Variants in TRIB2 observed in about 807,000 individuals in gnomAD.
The protein encoded by TRIB2 is tribbles pseudokinase 2.
A neutral mutation model predicts 26.8 loss-of-function variants in TRIB2; 2 were observed. That is an observed-to-expected ratio of 0.07 (90% confidence interval 0.03 to 0.24). The LOEUF (loss-of-function observed/expected upper bound fraction) is 0.24, where lower values mean the gene tolerates loss of function less well. TRIB2 is among the 10% of genes least tolerant of loss of function. The pLI, the probability that TRIB2 is intolerant of heterozygous loss-of-function variation, is 1.00. For synonymous variants in TRIB2, 189 were observed against 187.3 expected (o/e 1.01, Z -0.08); for missense variants, 306 against 449.0 (o/e 0.68, Z 2.88).
chr2:12,717,258 A>C lies in TRIB2; in HGVS notation c.-1050A>C. ...TGATTGCAAATTATTCCAGGACGAG[A>C]TCCAGTTCTCCAGCGGGAAAGGGGC... On this transcript the variant is annotated 5_prime_UTR_variant, in exon 1 of 3. Transcript: ENST00000155926. The surrounding 1 kb of genome is among the most constrained non-coding windows in gnomAD (Gnocchi z 4.8). 2.5e-6 allele frequency: 1 copy of C among 397,838 alleles called. No individual in the cohort carries two copies. The highest frequency in any genetic ancestry group is 4.4e-6 in the Non-Finnish European group (1 of 225,772). The allele number at this position is 397,838 out of a possible 1,614,324, so 24.6% of individuals were successfully genotyped here.
chr2:12,734,046 C>T lies in TRIB2; in HGVS notation c.564-6280C>T, dbSNP rs141161870. 5.5e-3 allele frequency among the ~76,000 whole-genome samples: 843 copies of T among 152,308 alleles called. 10 individuals are homozygous for T. The highest frequency in any genetic ancestry group is 0.019 in the African/African-American group (804 of 41,574). On this transcript the variant is annotated intron_variant, in intron 2 of 2. Coordinates refer to ENST00000155926, the MANE Select transcript of TRIB2 (RefSeq NM_021643.4). ...CGTCATTGAGTACACAGGCTGCCCA[C>T]GTGTAAGCCTTGTTCATTCAGCAGG... is the stretch of plus-strand genomic sequence containing the variant.
At position 12,718,012 on chromosome 2, in the gene TRIB2, C is replaced by T. The variant is rs993472754; in HGVS notation, c.-296C>T. 2.3e-6 allele frequency: 1 copy of T among 432,356 alleles called. No homozygotes were observed. The highest frequency in any genetic ancestry group is 2.0e-5 in the African/African-American group (1 of 50,582). The allele number at this position is 432,356 out of a possible 1,614,324, so 26.8% of individuals were successfully genotyped here. A position where few individuals can be genotyped will look rare whatever the true frequency, so the allele number is the denominator to read the frequency against. ...TCCAGATCCACGCCGGGGACACACA[C>T]ACAGAGTAACTAAAAGTGCGGCGAT... On this transcript the variant is annotated 5_prime_UTR_variant, in exon 1 of 3. Coordinates refer to ENST00000155926, the MANE Select transcript of TRIB2 (RefSeq NM_021643.4). This position sits in a 1 kb window ranked among gnomAD's most constrained non-coding sequence, Gnocchi z 4.0.
chr2:12,722,135 C>T (rs980536094), intron 1 of TRIB2, among the ~76,000 whole-genome samples: 3 of 152,096 alleles, frequency 2.0e-5, no homozygotes, highest in African/African-American at 7.2e-5. Flanking sequence ...TCAAGGTTGC[C>T]GACTTCCAGT....
At chr2:12,739,490 G>A (rs1051350910) in intron 2 of TRIB2, among the ~76,000 whole-genome samples, 5 of 76,824 alleles carry the variant, frequency 6.5e-5, no homozygotes, top group South Asian at 5.5e-4. Context: ...GAACTCACCC[G>A]CCTTGGCCTC....
chr2:12,739,106 G>A (rs899233725), intron 2 of TRIB2, among the ~76,000 whole-genome samples: 6 of 152,084 alleles, frequency 3.9e-5, no homozygotes, highest in African/African-American at 1.2e-4. Flanking sequence ...CCCTATGCAC[G>A]CAGACACGTG....
chr2:12,721,199 T>A (rs1355636771), intron 1 of TRIB2, among the ~76,000 whole-genome samples: 1 of 152,224 alleles, frequency 6.6e-6, no homozygotes, highest in South Asian at 2.1e-4. Context: ...TGGAATTTGG[T>A]CTCTTCTACA....
intron 1 of TRIB2, among the ~76,000 whole-genome samples, chr2:12,722,505 G>T (rs1272227360): frequency 6.6e-6 from 1 of 152,202 alleles, no homozygotes; most frequent in East Asian, 1.9e-4. Context: ...GGTATTGATG[G>T]TGCCTTTTCT....
rs1666661326 is a variant in TRIB2 at position 12,718,875 on chromosome 2, G to C, written c.270+298G>C. ...AAGGCTCCAGGAGCTCTCTGCGCGAGGCCGGGTCCCGCTGCCCGGGGGGGA... is the reference window on the plus strand; with the variant it reads ...AAGGCTCCAGGAGCTCTCTGCGCGACGCCGGGTCCCGCTGCCCGGGGGGGA... On this transcript the variant is annotated intron_variant, in intron 1 of 2. Transcript: ENST00000155926. This position sits in a 1 kb window ranked among gnomAD's most constrained non-coding sequence, Gnocchi z 4.0. 1.3e-5 allele frequency among the ~76,000 whole-genome samples: 2 copies of C among 152,164 alleles called. No individual in the cohort carries two copies. Among genetic ancestry groups the C allele is most frequent in the South Asian group, 4.1e-4 (2 of 4,826 alleles).
intron 2 of TRIB2, among the ~76,000 whole-genome samples, chr2:12,735,088 C>T (rs1661540167): frequency 6.6e-6 from 1 of 152,216 alleles, no homozygotes; most frequent in African/African-American, 2.4e-5. Context: ...CCCCGCCTGT[C>T]AGACCTCCCT....
chr2:12,737,674 AG>A (rs1351624269), intron 2 of TRIB2, among the ~76,000 whole-genome samples: 1 of 152,268 alleles, frequency 6.6e-6, no homozygotes, highest in Non-Finnish European at 1.5e-5. Context: ...AATGTGAGTG[AG>A]CACACAAAAA....
chr2:12,734,291 G>A (rs761338360), intron 2 of TRIB2, among the ~76,000 whole-genome samples: 27 of 152,148 alleles, frequency 1.8e-4, no homozygotes, highest in Non-Finnish European at 3.7e-4. Flanking sequence ...TTTGGGAAAT[G>A]TTTATTCTTC....
Position 12,718,047 on chromosome 2 carries a change from C to G in TRIB2, c.-261C>G. The G allele has an allele frequency of 1.9e-6, 1 of 521,238 alleles. No individual in the cohort carries two copies. The allele number at this position is 521,238 out of a possible 1,614,324, so 32.3% of individuals were successfully genotyped here. ...CTAAAAGTGCGGCGATTCTGCACAT[C>G]GCCGACTGCTTTGGGGTAACAAAAA... is the stretch of plus-strand genomic sequence containing the variant. On this transcript the variant is annotated 5_prime_UTR_variant, in exon 1 of 3. In the 5' UTR this introduces an upstream ATG that the reference lacks. Coordinates refer to ENST00000155926, the MANE Select transcript of TRIB2 (RefSeq NM_021643.4). This position sits in a 1 kb window ranked among gnomAD's most constrained non-coding sequence, Gnocchi z 4.0.
At chr2:12,719,979 G>A (rs1661164491) in intron 1 of TRIB2, among the ~76,000 whole-genome samples, 2 of 152,200 alleles carry the variant, frequency 1.3e-5, no homozygotes, top group Admixed American at 1.3e-4. Flanking sequence ...GTCATCCTTT[G>A]AAATGAATGA....
At chr2:12,731,552 TG>T (rs1661458663) in intron 2 of TRIB2, among the ~76,000 whole-genome samples, 1 of 152,094 alleles carries the variant, frequency 6.6e-6, no homozygotes, top group African/African-American at 2.4e-5. Context: ...GGGCAACAAG[TG>T]GGGGTTTAAA....
rs1426709384 is a variant in TRIB2, at chr2:12,741,674, C to T, written c.*880C>T. The stretch of plus-strand genomic sequence containing the variant: ...TCTTTGCTGAGATGATAGCAATGGC[C>T]TGAGATTTTAGCAAGCTCCTGGAGT... On this transcript the variant is annotated 3_prime_UTR_variant, in exon 3 of 3. Coordinates refer to ENST00000155926, the MANE Select transcript of TRIB2 (RefSeq NM_021643.4). The T allele has an allele frequency of 6.6e-6, 1 of 152,422 alleles. No homozygotes were observed. Among genetic ancestry groups the T allele is most frequent in the Admixed American group, 6.5e-5 (1 of 15,286 alleles). The allele number at this position is 152,422 out of a possible 1,614,324, so 9.4% of individuals were successfully genotyped here.
intron 2 of TRIB2, among the ~76,000 whole-genome samples, chr2:12,726,449 G>A (rs893608070): frequency 3.3e-5 from 5 of 152,254 alleles, no homozygotes; most frequent in Non-Finnish European, 7.3e-5. Context: ...AGGGAAGAGT[G>A]TGAGGCCAAG....
At chr2:12,722,924 T>C (rs1661255511) in intron 1 of TRIB2, among the ~76,000 whole-genome samples, 1 of 152,234 alleles carries the variant, frequency 6.6e-6, no homozygotes, top group South Asian at 2.1e-4. Flanking sequence ...AAACACGCAA[T>C]TGGGCTAGAG....
In TRIB2 at chr2:12,732,101, AG is replaced by A. The variant is rs1661470663; in HGVS notation, c.564-8224del. On this transcript the variant is annotated intron_variant, in intron 2 of 2. Transcript: ENST00000155926. This position sits in a 1 kb window ranked among gnomAD's most constrained non-coding sequence, Gnocchi z 4.2. ...GCGACAGGATGGACTTCCTCTGTGAAGCCCTGGCGGCCTGCAGGCTGTGCTT... is the reference window on the plus strand; with the variant it reads ...GCGACAGGATGGACTTCCTCTGTGAACCCTGGCGGCCTGCAGGCTGTGCTT... 6.6e-6 allele frequency among the ~76,000 whole-genome samples: 1 copy of A among 152,050 alleles called. No individual in the cohort carries two copies. Among genetic ancestry groups the A allele is most frequent in the Non-Finnish European group, 1.5e-5 (1 of 68,016 alleles).
chr2:12,718,545 C>A lies in TRIB2; in HGVS notation c.238C>A (p.His80Asn). 1 of 1,614,132 alleles carries A rather than the reference C, an allele frequency of 6.2e-7. No homozygotes were observed. Among genetic ancestry groups the A allele is most frequent in the East Asian group, 2.2e-5 (1 of 44,866 alleles). The stretch of plus-strand genomic sequence containing the variant: ...GGGAGACCACGTTTTTCGTGCCGTG[C>A]ATCTGCACAGCGGAGAGGAGCTGGT... ...LEGDHVFRAV[H>N]LHSGEELVCK... The change falls in exon 1 of 3, where the codon CAT becomes AAT. Residue 80 changes from histidine (H) to asparagine (N), a missense_variant. This residue lies in a region of TRIB2 where 99 missense variants were observed against 106.5 expected (regional missense o/e 0.93). Transcript: ENST00000155926. The surrounding 1 kb of genome is among the most constrained non-coding windows in gnomAD (Gnocchi z 4.0).
Sources: gnomAD v4.1 joint callset for allele counts (sites outside exome capture counted in the v4.1 genomes callset) on GRCh38, gnomAD v4.1.1 for gene constraint, gnomAD v4.1.1 regional missense constraint, Gnocchi (gnomAD v3.1) non-coding constraint, MANE v1.5 for transcripts, NCBI Gene and HGNC (gene_info 2026-07-23, HGNC 2026-07-21) for gene names.